DNAH17: variants seen among roughly 807,000 people sequenced by gnomAD.
DNAH17 encodes the protein dynein axonemal heavy chain 17.
In DNAH17, 376 loss-of-function variants were observed where a neutral mutation model predicts 485.6. The ratio of observed to expected loss-of-function variants is 0.77; its 90% CI spans 0.71 to 0.84. DNAH17 has a LOEUF of 0.84. Among genes scored for constraint, DNAH17 ranks in the 40% least tolerant of loss-of-function variants. The probability of loss-of-function intolerance (pLI) is 0.00; values close to 1 mark genes in which losing one functional copy is unlikely to be tolerated. For missense variants in DNAH17, 6,370 were observed against 5,839.3 expected (o/e 1.09, Z -2.96); for synonymous variants, 3,031 against 2,405.9 (o/e 1.26, Z -7.60).
chr17:78,530,744 G>C (rs1568205667), intron 20 of DNAH17, among the ~76,000 whole-genome samples: 3 of 152,184 alleles, frequency 2.0e-5, no homozygotes, highest in African/African-American at 7.2e-5. Flanking sequence ...CCATCAGAAA[G>C]GGGCAGAAGG....
Position 78,432,190 on chromosome 17 carries a change from A to ATAAG in DNAH17, c.12225+1838_12225+1839insCTTA, listed in dbSNP as rs1167468394. Reference sequence around the variant, plus strand: ...GAGGCCCTGTCTCAAAAATAAATAAATAAATAAATAAATAAAATAAATAAA... The same window carrying ATAAG: ...GAGGCCCTGTCTCAAAAATAAATAAATAAGTAAATAAATAAATAAAATAAATAAA... On this transcript the variant is annotated intron_variant, in intron 75 of 80. Transcript: ENST00000389840. 6.1e-5 allele frequency among the ~76,000 whole-genome samples: 9 copies of ATAAG among 148,042 alleles called. 1 individual carries two copies. In the East Asian group the frequency reaches 7.7e-4, roughly 13 times the overall value.
At chr17:78,472,253 A>AGGGTTAGGGTTAGGGAGTAGGG (rs2088788126) in intron 54 of DNAH17, among the ~76,000 whole-genome samples, 1 of 122,660 alleles carries the variant, frequency 8.2e-6, no homozygotes, top group African/African-American at 3.2e-5. Context: ...TAGGGGTGCG[A>AGGGTTAGGGTTAGGGAGTAGGG]GGGTTAGGGT....
rs375963040 is a variant in DNAH17, at chr17:78,570,365, G to A, written c.926C>T (p.Thr309Ile). 1.5e-5 allele frequency: 24 copies of A among 1,610,592 alleles called. No homozygotes were observed. Among genetic ancestry groups the A allele is most frequent in the Non-Finnish European group, 2.0e-5 (24 of 1,178,868 alleles). ...MEQADFTMLP[T>I]FIAKVLDTIC... ...GGTGTCCAGCACCTTGGCAATGAAGGTGGGGAGCTGGGGGGAGACAGGCCC... is the reference window on the plus strand; with the variant it reads ...GGTGTCCAGCACCTTGGCAATGAAGATGGGGAGCTGGGGGGAGACAGGCCC... Residue 309 changes from threonine (T) to isoleucine (I), a missense_variant, in exon 7 of 81, where the codon ACC (threonine) becomes ATC (isoleucine). Coordinates refer to ENST00000389840, the MANE Select transcript of DNAH17 (RefSeq NM_173628.4).
At chr17:78,509,750 T>C (rs1024020631) in intron 27 of DNAH17, among the ~76,000 whole-genome samples, 1 of 150,080 alleles carries the variant, frequency 6.7e-6, no homozygotes, top group Non-Finnish European at 1.5e-5. Flanking sequence ...CTGACGTCCA[T>C]GGAGGAGTCA....
chr17:78,482,961 CCGT>C (rs1251700806), intron 48 of DNAH17, among the ~76,000 whole-genome samples: 1 of 152,172 alleles, frequency 6.6e-6, no homozygotes, highest in Non-Finnish European at 1.5e-5. Context: ...GGGCACATGA[CCGT>C]GTGCAACCCT....
intron 80 of DNAH17, among the ~76,000 whole-genome samples, chr17:78,424,767 G>A (rs1334033119): frequency 2.0e-5 from 3 of 152,232 alleles, no homozygotes; most frequent in African/African-American, 7.2e-5. Flanking sequence ...GTATGTGGTG[G>A]TGGCATTGCT....
intron 4 of DNAH17, 35 bp downstream of exon 4, chr17:78,571,555 G>C (rs187638146): frequency 9.9e-6 from 16 of 1,611,226 alleles, no homozygotes. Context: ...CAGCTGGGAC[G>C]AGGCTGCAGC....
rs945892715 is a variant in DNAH17, at chr17:78,426,604, G to A, written c.12772-4C>T. ...CGGTCGTGATGGTCAGTTCTCCCTA[G>A]GAGACACACAGATGGGTGTGGGGAG... On this transcript the variant is annotated splice_polypyrimidine_tract_variant and splice_region_variant and intron_variant, in intron 78 of 80. Coordinates refer to ENST00000389840, the MANE Select transcript of DNAH17 (RefSeq NM_173628.4). The A allele has an allele frequency of 3.1e-6, 5 of 1,600,310 alleles. No individual in the cohort carries two copies. The highest frequency in any genetic ancestry group is 4.3e-6 in the Non-Finnish European group (5 of 1,172,124).
At chr17:78,554,466 A>AAAAAAT (rs2091977008) in intron 14 of DNAH17, among the ~76,000 whole-genome samples, 1 of 125,724 alleles carries the variant, frequency 8.0e-6, no homozygotes, top group Non-Finnish European at 1.7e-5. Flanking sequence ...AAAAAAAAAA[A>AAAAAAT]AAAAAGGATA....
intron 27 of DNAH17, among the ~76,000 whole-genome samples, chr17:78,509,482 C>A (rs987003811): frequency 4.6e-5 from 7 of 152,020 alleles, no homozygotes; most frequent in Admixed American, 3.3e-4. Context: ...TTTAAACAGG[C>A]GAACTGTATG....
intron 1 of DNAH17, among the ~76,000 whole-genome samples, chr17:78,577,025 G>C (rs547264537): frequency 6.6e-6 from 1 of 152,322 alleles, no homozygotes; most frequent in African/African-American, 2.4e-5. Flanking sequence ...TGGGGCTAGG[G>C]GCTTCCAGGA....
chr17:78,561,057 C>G, intron 12 of DNAH17, 122 bp from the exon 13 acceptor site: 1 of 879,932 alleles, frequency 1.1e-6, no homozygotes, highest in Non-Finnish European at 1.7e-6. Context: ...TTACTCGAGG[C>G]TCACAGACTG....
intron 77 of DNAH17, chr17:78,428,226 G>T (rs1343108993): frequency 4.4e-5 from 20 of 450,070 alleles, no homozygotes; most frequent in South Asian, 1.9e-4. Flanking sequence ...CGCTCAGCTA[G>T]GGAAGCTGGA....
Position 78,575,087 on chromosome 17 carries a change from T to G in DNAH17, c.-25-5A>C, listed in dbSNP as rs375488448. ...GCCTTTCCTTACACTGTGTATCTGT[T>G]AAGAGTGCAAGAAACAGGTACGAAC... On this transcript the variant is annotated splice_region_variant and splice_polypyrimidine_tract_variant and intron_variant, in intron 1 of 80. Transcript: ENST00000389840. 6.4e-6 allele frequency: 10 copies of G among 1,567,880 alleles called. No homozygotes were observed. The African/African-American group carries it at 1.4e-4, about 21-fold the overall frequency.
intron 56 of DNAH17, among the ~76,000 whole-genome samples, chr17:78,463,769 A>G (rs1481892145): frequency 6.6e-6 from 1 of 152,230 alleles, no homozygotes; most frequent in African/African-American, 2.4e-5. Context: ...ACCTGAACGC[A>G]GGCACTGGGA....
chr17:78,551,066 A>G (rs1226511415), intron 16 of DNAH17, among the ~76,000 whole-genome samples: 1 of 152,186 alleles, frequency 6.6e-6, no homozygotes, highest in African/African-American at 2.4e-5. Flanking sequence ...TAAAAAAACA[A>G]AAACAAAAAC....
chr17:78,569,053 AT>A lies in DNAH17; in HGVS notation c.1284+112del, dbSNP rs753283425. ...CATAACAGATATTTGGGCCTCACTT[AT>A]TTTCTGCCTGGGGGATTATTGGCAA... On this transcript the variant is annotated intron_variant, in intron 9 of 80. Coordinates refer to ENST00000389840, the MANE Select transcript of DNAH17 (RefSeq NM_173628.4). 109 of 845,382 alleles carry A rather than the reference AT, an allele frequency of 1.3e-4. No individual in the cohort carries two copies. In the South Asian group the frequency reaches 1.8e-3, roughly 14 times the overall value. 52.4% of individuals were successfully genotyped at this position (845,382 alleles called of 1,614,324 possible).
chr17:78,424,092 C>A lies in DNAH17; in HGVS notation c.13203G>T (p.Pro4401=). ...CCTTGATGAAGATGACAGGCATGGC[C>A]GGGGTCAGCTCTTTCAGCCGCGCTT... The part of the protein sequence containing the change: ...IAEARLKELT[P]AMPVIFIKAI... Residue 4401 remains proline, a synonymous_variant, in exon 81 of 81, where the codon CCG becomes CCT. Transcript: ENST00000389840. The A allele has an allele frequency of 6.2e-7, 1 of 1,613,902 alleles. No homozygotes were observed. The highest frequency in any genetic ancestry group is 8.5e-7 in the Non-Finnish European group (1 of 1,179,880).
intron 36 of DNAH17, chr17:78,499,381 G>A (rs1380374465): frequency 3.2e-6 from 1 of 312,752 alleles, no homozygotes; most frequent in East Asian, 5.3e-5. Flanking sequence ...CTAATAAGGG[G>A]CTCAGACAAG....
Sources: allele counts gnomAD v4.1 joint callset (sites outside exome capture counted in the v4.1 genomes callset), GRCh38; gene constraint gnomAD v4.1.1; transcripts MANE v1.5; gene names NCBI Gene and HGNC (gene_info 2026-07-23, HGNC 2026-07-21).